Variants in DCAF6 observed in about 807,000 individuals in gnomAD.
DCAF6 encodes DDB1- and CUL4-associated factor 6.
A neutral mutation model predicts 125.1 loss-of-function variants in DCAF6; 54 were observed. That is an observed-to-expected ratio of 0.43 (90% CI 0.35 to 0.54). The LOEUF (loss-of-function observed/expected upper bound fraction) is 0.54, where lower values mean the gene tolerates loss of function less well. Among genes scored for constraint, DCAF6 ranks in the 20% least tolerant of loss-of-function variants. DCAF6 has a pLI of 0.01. For synonymous variants in DCAF6, 371 were observed against 390.4 expected, an observed-to-expected ratio of 0.95 and a Z score of 0.58; for missense variants, 934 against 1,161.7, an observed-to-expected ratio of 0.80 and a Z score of 2.85.
At chr1:167,881,697 T>C in the DCAF6 span, among the ~76,000 whole-genome samples, 1 of 152,190 alleles carries the variant, frequency 6.6e-6, no homozygotes, top group African/African-American at 2.4e-5. Context: ...TCCACAATCA[T>C]TTGAGACAAA....
At chr1:168,009,869 T>C (rs1684046188) in intron 10 of DCAF6, among the ~76,000 whole-genome samples, 1 of 123,632 alleles carries the variant, frequency 8.1e-6, no homozygotes, top group South Asian at 2.2e-4. Flanking sequence ...TAAGCTCTCT[T>C]GAAGACAGGA....
intron 12 of DCAF6, among the ~76,000 whole-genome samples, chr1:168,030,423 TTTTTA>T (rs778335278): frequency 2.6e-5 from 4 of 152,208 alleles, no homozygotes; most frequent in East Asian, 1.9e-4. Flanking sequence ...AGGTTTCGCA[TTTTTA>T]TTTTAAGAAC....
rs763235831 is a variant in DCAF6, at chr1:168,063,728, T to C, written c.2408T>C (p.Val803Ala). 9.3e-6 allele frequency: 15 copies of C among 1,605,380 alleles called. No homozygotes were observed. The highest frequency in any genetic ancestry group is 1.3e-5 in the Non-Finnish European group (15 of 1,177,152). Residue 803 changes from valine (V) to alanine (A), a missense_variant, in exon 18 of 22, where the codon GTT becomes GCT. By Grantham distance (64) the Val-to-Ala change is moderately conservative. Transcript: ENST00000367840. Reference protein sequence around the residue: ...LNIRRPLVKMVYKGHRNSRTM... With the variant: ...LNIRRPLVKMAYKGHRNSRTM... ...ATTAGAAGGCCGCTAGTAAAAATGGTTTATAAAGGCCATCGCAACTCCAGG... is the reference window on the plus strand; with the variant it reads ...ATTAGAAGGCCGCTAGTAAAAATGGCTTATAAAGGCCATCGCAACTCCAGG...
chr1:167,914,007 G>C, the DCAF6 span: 1 of 152,276 alleles, frequency 6.6e-6, no homozygotes, highest in South Asian at 2.1e-4. Flanking sequence ...GGAAAAGCCA[G>C]ACCTCAGTTA....
At chr1:167,888,463 C>T in the DCAF6 span, among the ~76,000 whole-genome samples, 2 of 151,756 alleles carry the variant, frequency 1.3e-5, no homozygotes, top group Non-Finnish European at 2.9e-5. Flanking sequence ...ATAGTTTTCA[C>T]GGTAGAGATC....
chr1:168,048,322 T>C (rs1689394201), intron 16 of DCAF6, among the ~76,000 whole-genome samples: 1 of 152,200 alleles, frequency 6.6e-6, no homozygotes, highest in African/African-American at 2.4e-5. Context: ...AAATTAAATA[T>C]TATACAAGTG....
chr1:167,899,515 T>C, the DCAF6 span: 1 of 1,614,232 alleles, frequency 6.2e-7, no homozygotes, highest in Non-Finnish European at 8.5e-7. Context: ...ACATCATTCA[T>C]CTGAGCCATG....
At chr1:167,935,888 C>T, upstream of DCAF6, 1 of 1,424,058 alleles carries the variant, frequency 7.0e-7, no homozygotes, top group Non-Finnish European at 9.7e-7. Flanking sequence ...TGGCTGTGTT[C>T]TCGTCCCTGG....
chr1:167,927,290 G>A, the DCAF6 span, among the ~76,000 whole-genome samples: 1 of 152,150 alleles, frequency 6.6e-6, no homozygotes, highest in African/African-American at 2.4e-5. Flanking sequence ...CTCTTCCCCT[G>A]AGTCTGATGC....
the DCAF6 span, chr1:167,904,621 C>G: frequency 7.7e-6 from 4 of 520,114 alleles, no homozygotes; most frequent in Non-Finnish European, 1.4e-5. Flanking sequence ...GAAGAGGTGG[C>G]AAGTTTATTA....
At chr1:168,024,835 T>A (rs1686135244) in intron 12 of DCAF6, among the ~76,000 whole-genome samples, 1 of 151,752 alleles carries the variant, frequency 6.6e-6, no homozygotes, top group Non-Finnish European at 1.5e-5. Context: ...TTATTCCTTA[T>A]GGACCTGAGG....
the DCAF6 span, among the ~76,000 whole-genome samples, chr1:167,905,899 T>C: frequency 3.9e-5 from 6 of 152,224 alleles, no homozygotes; most frequent in Non-Finnish European, 8.8e-5. Context: ...TAAATGCTCA[T>C]GCCTAAATGT....
At chr1:167,920,240 T>TA in the DCAF6 span, 1 of 604,998 alleles carries the variant, frequency 1.7e-6, no homozygotes, top group South Asian at 2.5e-5. Context: ...TTCTGTAACT[T>TA]AGTGTCACAG....
At position 167,989,141 on chromosome 1, in the gene DCAF6, C is replaced by T. The variant is rs147258329; in HGVS notation, c.552+1533C>T. Among the ~76,000 whole-genome samples the T allele has an allele frequency of 1.3e-4, 20 of 152,176 alleles. No homozygotes were observed. The East Asian group carries it at 3.1e-3, about 23-fold the overall frequency. The stretch of plus-strand genomic sequence containing the variant: ...TACAGTTTAATCAGTTTTTTTGTTA[C>T]GTATTTGTATATACACAGATATGCA... On this transcript the variant is annotated intron_variant, in intron 5 of 21. Transcript: ENST00000367840.
chr1:168,033,331 C>T (rs1687355853), intron 12 of DCAF6, among the ~76,000 whole-genome samples: 2 of 121,156 alleles, frequency 1.7e-5, no homozygotes, highest in South Asian at 2.6e-4. Flanking sequence ...TTTTTTGAGA[C>T]GGAGTCTCGC....
the DCAF6 span, among the ~76,000 whole-genome samples, chr1:167,870,774 A>G: frequency 6.7e-6 from 1 of 149,948 alleles, no homozygotes; most frequent in Non-Finnish European, 1.5e-5. Flanking sequence ...CTGCCATTGC[A>G]CTCCAGCCTG....
the DCAF6 span, among the ~76,000 whole-genome samples, chr1:167,864,895 GA>G: frequency 0.034 from 4,439 of 129,166 alleles, 82 homozygotes; most frequent in Middle Eastern, 0.11. Flanking sequence ...TTGCTAACAG[GA>G]AAAAAAAAAA....
chr1:168,065,623 G>T lies in DCAF6; in HGVS notation c.2473G>T (p.Val825Leu). Reference sequence around the variant, plus strand: ...AGCCAATTTCTGGGGTGCTAACTTTGTAATGAGTGGTTCTGACTGTGGCCA... The same window carrying T: ...AGCCAATTTCTGGGGTGCTAACTTTTTAATGAGTGGTTCTGACTGTGGCCA... Reference protein sequence around the residue: ...KEANFWGANFVMSGSDCGHIF... With the variant: ...KEANFWGANFLMSGSDCGHIF... The change falls in exon 19 of 22, where the codon GTA becomes TTA. Residue 825 changes from valine (V) to leucine (L), a missense_variant. By Grantham distance (32) the Val-to-Leu change is conservative. Transcript: ENST00000367840. The T allele has an allele frequency of 6.2e-7, 1 of 1,610,340 alleles. No homozygotes were observed. The highest frequency in any genetic ancestry group is 8.5e-7 in the Non-Finnish European group (1 of 1,177,858).
chr1:167,970,304 T>G (rs1677111348), intron 3 of DCAF6, among the ~76,000 whole-genome samples: 1 of 152,250 alleles, frequency 6.6e-6, no homozygotes, highest in South Asian at 2.1e-4. Flanking sequence ...GAAAAAATGA[T>G]ACTCTTTCTC....
Sources: gnomAD v4.1 joint callset for allele counts (sites outside exome capture counted in the v4.1 genomes callset) on GRCh38, gnomAD v4.1.1 for gene constraint, MANE v1.5 for transcripts, NCBI Gene and HGNC (gene_info 2026-07-23, HGNC 2026-07-21) for gene names.